Variants in PPP1R16A observed in about 807,000 individuals in gnomAD.
PPP1R16A encodes myosin phosphatase-targeting subunit 3.
A neutral mutation model predicts 46.6 loss-of-function variants in PPP1R16A; 39 were observed. That is an observed-to-expected ratio of 0.84 (90% confidence interval 0.65 to 1.09). The LOEUF is 1.09. Among genes scored for constraint, PPP1R16A ranks in the 50% least tolerant of loss-of-function variants. PPP1R16A has a pLI of 0.00. For missense variants in PPP1R16A, 798 were observed against 735.6 expected (o/e 1.08, Z -0.98); for synonymous variants, 413 against 321.5 (o/e 1.28, Z -3.04).
rs1826224039 is a variant in PPP1R16A at position 144,498,620 on chromosome 8, G to C, written c.260-150G>C. ...CCGGCCTGGGCCAGACAGATGCCTGGTGCTTCTGCCCCCACCCCTGGGCTC... is the reference window on the plus strand; with the variant it reads ...CCGGCCTGGGCCAGACAGATGCCTGCTGCTTCTGCCCCCACCCCTGGGCTC... On this transcript the variant is annotated intron_variant, in intron 3 of 11. Transcript: ENST00000435887. 7.0e-6 allele frequency: 5 copies of C among 719,392 alleles called. No individual in the cohort carries two copies. The South Asian group carries it at 8.6e-5, about 12-fold the overall frequency. 44.6% of individuals were successfully genotyped at this position (719,392 alleles called of 1,614,324 possible).
At chr8:144,499,965 C>G in intron 5 of PPP1R16A, 131 bp from the exon 6 acceptor site, 2 of 858,814 alleles carry the variant, frequency 2.3e-6, no homozygotes, top group South Asian at 3.3e-5. Flanking sequence ...CCTCTCCCAG[C>G]AGCAGGTGGA....
At chr8:144,486,321 C>G (rs1360878618) in intron 1 of PPP1R16A, among the ~76,000 whole-genome samples, 1 of 152,164 alleles carries the variant, frequency 6.6e-6, no homozygotes, top group Non-Finnish European at 1.5e-5. Context: ...CCTGCCCCAG[C>G]CTCCGAAAGT....
chr8:144,500,809 A>C (rs1280442643), intron 9 of PPP1R16A, 33 bp from the exon 10 acceptor site: 1 of 1,597,324 alleles, frequency 6.3e-7, no homozygotes, highest in African/African-American at 1.3e-5. Flanking sequence ...ACAGGCGGGG[A>C]GGGCGCCCCT....
chr8:144,487,745 A>G (rs1825670852), intron 1 of PPP1R16A, among the ~76,000 whole-genome samples: 1 of 152,162 alleles, frequency 6.6e-6, no homozygotes, highest in Non-Finnish European at 1.5e-5. Flanking sequence ...TACTTACCAA[A>G]CTGTATATAA....
chr8:144,500,379 C>A lies in PPP1R16A; in HGVS notation c.693C>A (p.His231Gln), dbSNP rs746958634. The A allele has an allele frequency of 6.5e-6, 10 of 1,527,304 alleles. No homozygotes were observed. In the South Asian group the frequency reaches 1.2e-4, roughly 18 times the overall value. 94.6% of individuals were successfully genotyped at this position (1,527,304 alleles called of 1,614,324 possible). Reference protein sequence around the residue: ...AGADLHAPLDHGATLLHVAAA... With the variant: ...AGADLHAPLDQGATLLHVAAA... ...CAGACCTCCATGCCCCCCTGGACCA[C>A]GGGGCCACGCTGGTGAGGGCTGGGG... The change falls in exon 7 of 12, where the codon CAC becomes CAA. Residue 231 changes from histidine to glutamine, a missense_variant. Physicochemically the swap from His to Gln is conservative, Grantham distance 24. Transcript: ENST00000435887.
intron 3 of PPP1R16A, chr8:144,497,793 C>T (rs559294308): frequency 3.5e-5 from 15 of 434,406 alleles, no homozygotes; most frequent in South Asian, 4.0e-5. Context: ...CAGGGGTGGC[C>T]GGTAGTCATT....
rs1826474107 is a variant in PPP1R16A, at chr8:144,501,495, G to A, written c.1204-25G>A. The A allele has an allele frequency of 3.3e-6, 5 of 1,513,114 alleles. No individual in the cohort carries two copies. The South Asian group carries it at 6.5e-5, about 20-fold the overall frequency. 93.7% of individuals were successfully genotyped at this position (1,513,114 alleles called of 1,614,324 possible). A position where few individuals can be genotyped will look rare whatever the true frequency, so the allele number is the denominator to read the frequency against. Reference sequence around the variant, plus strand: ...GGGAGGGGGGAGGAGCCTCCTGATGGCTCTGGGACCTTCACTGCCCGCAGG... The same window carrying A: ...GGGAGGGGGGAGGAGCCTCCTGATGACTCTGGGACCTTCACTGCCCGCAGG... On this transcript the variant is annotated intron_variant, in intron 11 of 11. Transcript: ENST00000435887.
rs766724293 is a variant in PPP1R16A, at chr8:144,501,724, C to T, written c.1408C>T (p.Arg470Ter). ...KRQRAAAKLQ[R>*]PPPEGPESPE... ...CCAGCGAGCTGCTGCCAAGCTGCAG[C>T]GACCCCCACCTGAGGGGCCCGAGAG... is the stretch of plus-strand genomic sequence containing the variant. Residue 470 changes from arginine (R) to a stop codon, truncating the protein, a stop_gained, in exon 12 of 12, where the codon CGA (arginine) becomes TGA (stop). Coordinates refer to ENST00000435887, the MANE Select transcript of PPP1R16A (RefSeq NM_001329443.2). LOFTEE classifies it low-confidence loss of function (END_TRUNC). The T allele has an allele frequency of 6.3e-7, 1 of 1,589,164 alleles. No individual in the cohort carries two copies. The highest frequency in any genetic ancestry group is 8.6e-7 in the Non-Finnish European group (1 of 1,168,906).
intron 5 of PPP1R16A, 54 bp downstream of exon 5, chr8:144,499,115 T>G (rs1941203242): frequency 6.6e-7 from 1 of 1,525,742 alleles, no homozygotes; most frequent in Admixed American, 1.8e-5. Context: ...AGATGGCCGC[T>G]CAGGAGGCTC....
intron 1 of PPP1R16A, among the ~76,000 whole-genome samples, chr8:144,482,023 G>GC (rs1382308667): frequency 6.6e-6 from 1 of 151,954 alleles, no homozygotes; most frequent in Non-Finnish European, 1.5e-5. Context: ...GTATCCGCCC[G>GC]CCTTGGCCTC....
chr8:144,500,193 G>T lies in PPP1R16A; in HGVS notation c.574G>T (p.Asp192Tyr). ...GGACTGCCTGGAGACTGCCATGGCCGACCGTGGTAGGTGCGGCGGTGCGGC... is the reference window on the plus strand; with the variant it reads ...GGACTGCCTGGAGACTGCCATGGCCTACCGTGGTAGGTGCGGCGGTGCGGC... The part of the protein sequence containing the change: ...TLDCLETAMA[D>Y]RGITQDSIEA... The change falls in exon 6 of 12, where the codon GAC becomes TAC. Residue 192 changes from aspartate to tyrosine, a missense_variant. By Grantham distance (160) the Asp-to-Tyr change is radical. Coordinates refer to ENST00000435887, the MANE Select transcript of PPP1R16A (RefSeq NM_001329443.2). 6.2e-7 allele frequency: 1 copy of T among 1,607,566 alleles called. No individual in the cohort carries two copies. The highest frequency in any genetic ancestry group is 8.5e-7 in the Non-Finnish European group (1 of 1,177,374).
At chr8:144,498,886 C>T (rs1376787919) in intron 4 of PPP1R16A, 30 bp from the exon 5 acceptor site, 6 of 1,612,592 alleles carry the variant, frequency 3.7e-6, no homozygotes, top group African/African-American at 1.3e-5. Flanking sequence ...GGCCCCCGTG[C>T]TCTGGTCGCT....
rs1187692391 is a variant in PPP1R16A at position 144,500,916 on chromosome 8, C to T, written c.982C>T (p.Gln328Ter). The T allele has an allele frequency of 6.5e-7, 1 of 1,531,388 alleles. No homozygotes were observed. 94.9% of individuals were successfully genotyped at this position (1,531,388 alleles called of 1,614,324 possible). A position where few individuals can be genotyped will look rare whatever the true frequency, so the allele number is the denominator to read the frequency against. ...CAAGCACGACGCCCTCCTGCGCGCCCAGAGCCGCCAGCGCTCCTTGCTGCG... is the reference window on the plus strand; with the variant it reads ...CAAGCACGACGCCCTCCTGCGCGCCTAGAGCCGCCAGCGCTCCTTGCTGCG... ...KHKHDALLRA[Q>*]SRQRSLLRRR... Residue 328 changes from glutamine (Q) to a stop codon, truncating the protein, a stop_gained, in exon 10 of 12, where the codon CAG (glutamine) becomes TAG (stop). Coordinates refer to ENST00000435887, the MANE Select transcript of PPP1R16A (RefSeq NM_001329443.2). LOFTEE classifies it high-confidence loss of function.
intron 5 of PPP1R16A, 156 bp downstream of exon 5, chr8:144,499,217 TGGG>T: frequency 1.0e-6 from 1 of 997,576 alleles, no homozygotes; most frequent in Non-Finnish European, 1.4e-6. Context: ...GAGCAGGGCC[TGGG>T]GCTCCAGGGG....
rs770221705 is a variant in PPP1R16A at position 144,500,678 on chromosome 8, G to A, written c.832-8G>A. 1.1e-5 allele frequency: 18 copies of A among 1,609,546 alleles called. No homozygotes were observed. In the African/African-American group the frequency reaches 1.6e-4, roughly 14 times the overall value. ...CAGCAGTCTGCAGCTCCGGCCTGCC[G>A]TCCACAGGTGCCCCTGGTGGAGCTG... On this transcript the variant is annotated splice_region_variant and splice_polypyrimidine_tract_variant and intron_variant, in intron 8 of 11. Transcript: ENST00000435887.
rs1825243870 is a variant in PPP1R16A, at chr8:144,478,020, GAGGGCCGGGTGCGGGGCCCGCCCCCGC to G, written c.-1018_-992del. The stretch of plus-strand genomic sequence containing the variant: ...GCCGGAAGTGTAGCGTTGCCATGGC[GAGGGCCGGGTGCGGGGCCCGCCCCCGC>G]AGCGCCTCAGGGAGCGCGGGGCCCA... On this transcript the variant is annotated 5_prime_UTR_variant, in exon 1 of 12. Transcript: ENST00000435887. 2 of 393,988 alleles carry G rather than the reference GAGGGCCGGGTGCGGGGCCCGCCCCCGC, an allele frequency of 5.1e-6. No individual in the cohort carries two copies. The highest frequency in any genetic ancestry group is 4.4e-5 in the Admixed American group (1 of 22,540). The allele number at this position is 393,988 out of a possible 1,614,324, so 24.4% of individuals were successfully genotyped here.
At chr8:144,492,062 A>G (rs879366347) in intron 2 of PPP1R16A, among the ~76,000 whole-genome samples, 2 of 152,096 alleles carry the variant, frequency 1.3e-5, no homozygotes, top group Non-Finnish European at 2.9e-5. Flanking sequence ...AGGGCAGGCA[A>G]TGTGGGGGCG....
At chr8:144,482,921 C>T (rs1825490506) in intron 1 of PPP1R16A, among the ~76,000 whole-genome samples, 1 of 152,170 alleles carries the variant, frequency 6.6e-6, no homozygotes, top group Non-Finnish European at 1.5e-5. Context: ...GCTGGGATTA[C>T]AGGCGTGAGC....
chr8:144,488,982 T>C (rs1006010726), intron 1 of PPP1R16A, among the ~76,000 whole-genome samples: 1 of 151,310 alleles, frequency 6.6e-6, no homozygotes, highest in African/African-American at 2.4e-5. Context: ...GACAGGCGGA[T>C]CACTTGAGGT....
Sources: gnomAD v4.1 joint callset for allele counts (sites outside exome capture counted in the v4.1 genomes callset) on GRCh38, gnomAD v4.1.1 for gene constraint, MANE v1.5 for transcripts, NCBI Gene and HGNC (gene_info 2026-07-23, HGNC 2026-07-21) for gene names.